Variants in RBPMS observed in about 807,000 individuals in gnomAD.
RBPMS encodes RNA binding protein, mRNA processing factor, also known as RNA-binding protein with multiple splicing.
A neutral mutation model predicts 26.8 loss-of-function variants in RBPMS; 7 were observed. The ratio of observed to expected loss-of-function variants is 0.26; its 90% confidence interval spans 0.15 to 0.49. The LOEUF (loss-of-function observed/expected upper bound fraction) is 0.49. Ranked by LOEUF, RBPMS falls within the 20% of genes least tolerant of loss-of-function variation. The pLI is 0.98. For missense variants in RBPMS, 186 were observed against 250.0 expected (o/e 0.74, Z 1.73); for synonymous variants, 96 against 93.3 (o/e 1.03, Z -0.17).
intron 4 of RBPMS, among the ~76,000 whole-genome samples, chr8:30,485,781 A>T (rs949150021): frequency 1.1e-4 from 17 of 152,322 alleles, no homozygotes; most frequent in Non-Finnish European, 2.1e-4. Flanking sequence ...GAAAGAAAGC[A>T]CTAGTTAACA....
Position 30,566,367 on chromosome 8 carries a change from A to T in RBPMS, c.*111+7A>T. The T allele has an allele frequency of 1.4e-6, 1 of 723,806 alleles. No individual in the cohort carries two copies. The highest frequency in any genetic ancestry group is 1.6e-6 in the Non-Finnish European group (1 of 639,588). The allele number at this position is 723,806 out of a possible 1,614,324, so 44.8% of individuals were successfully genotyped here. ...ACAAAACTGGAGCATGCTGGTGAGT[A>T]ACAGTCAGGGCTGAACAAGCCCTCA... On this transcript the variant is annotated splice_region_variant and intron_variant, in intron 8 of 8. Transcript: ENST00000397323.
At chr8:30,524,650 TAGG>T (rs1407731293) in intron 5 of RBPMS, among the ~76,000 whole-genome samples, 5 of 152,164 alleles carry the variant, frequency 3.3e-5, no homozygotes, top group Admixed American at 6.5e-5. Flanking sequence ...GCAGTTAACA[TAGG>T]AGGGTTAAAG....
At chr8:30,536,684 T>C (rs1164261735) in intron 5 of RBPMS, among the ~76,000 whole-genome samples, 1 of 152,226 alleles carries the variant, frequency 6.6e-6, no homozygotes, top group African/African-American at 2.4e-5. Flanking sequence ...TAGATTCAAG[T>C]TGCCCTGAAG....
chr8:30,558,503 C>G, intron 6 of RBPMS: 1 of 334,934 alleles, frequency 3.0e-6, no homozygotes, highest in Non-Finnish European at 5.8e-6. Context: ...AGCTATGTTT[C>G]CACACTCTGC....
chr8:30,415,282 G>C (rs189081318), intron 1 of RBPMS, among the ~76,000 whole-genome samples: 6 of 152,134 alleles, frequency 3.9e-5, no homozygotes, highest in Non-Finnish European at 5.9e-5. Flanking sequence ...CCCTGCTGCT[G>C]TCCTATTTCA....
chr8:30,463,660 ACTT>A, intron 1 of RBPMS, among the ~76,000 whole-genome samples: 1 of 152,248 alleles, frequency 6.6e-6, no homozygotes, highest in Non-Finnish European at 1.5e-5. Flanking sequence ...ATTAAGCTCC[ACTT>A]CTTTAAGGGA....
At chr8:30,554,978 G>A (rs1322993011) in intron 6 of RBPMS, among the ~76,000 whole-genome samples, 1 of 152,138 alleles carries the variant, frequency 6.6e-6, no homozygotes, top group Non-Finnish European at 1.5e-5. Context: ...TTCAGGCAGG[G>A]CGTCCTCCCG....
chr8:30,506,085 GT>G (rs1281502581), intron 5 of RBPMS, among the ~76,000 whole-genome samples: 1 of 152,096 alleles, frequency 6.6e-6, no homozygotes, highest in East Asian at 1.9e-4. Context: ...CAACAGCCCT[GT>G]GAAATAGGTA....
Position 30,502,138 on chromosome 8 carries a change from GCT to G in RBPMS, c.247-2147_247-2146del, listed in dbSNP as rs1491215362. ...CAAATTAGGTCATTTTAACTTCTGAGCTTTTTTTTTTTTTTTTTAAATAAGGA... is the reference window on the plus strand; with the variant it reads ...CAAATTAGGTCATTTTAACTTCTGAGTTTTTTTTTTTTTTTTAAATAAGGA... On this transcript the variant is annotated intron_variant, in intron 4 of 8. Coordinates refer to ENST00000397323, the MANE Select transcript of RBPMS (RefSeq NM_001008710.3). Among the ~76,000 whole-genome samples, 342 of 61,026 alleles carry G rather than the reference GCT, an allele frequency of 5.6e-3. 3 individuals carry two copies. Among genetic ancestry groups the G allele is most frequent in the African/African-American group, 0.026 (331 of 12,526 alleles). The allele number at this position is 61,026 out of a possible 152,430, so 40.0% of individuals were successfully genotyped here. A position where few individuals can be genotyped will look rare whatever the true frequency, so the allele number is the denominator to read the frequency against.
intron 6 of RBPMS, chr8:30,556,869 C>G (rs771672713): frequency 1.5e-6 from 1 of 647,106 alleles, no homozygotes; most frequent in Non-Finnish European, 1.9e-6. Flanking sequence ...CCCTTCCCTG[C>G]CCGCCCCTAC....
chr8:30,445,730 C>T (rs565901960), intron 1 of RBPMS, among the ~76,000 whole-genome samples: 1 of 149,210 alleles, frequency 6.7e-6, no homozygotes, highest in South Asian at 2.1e-4. Context: ...TGCAGTGGTG[C>T]AGTCACAGCT....
chr8:30,422,263 C>T (rs1323463843), intron 1 of RBPMS, among the ~76,000 whole-genome samples: 1 of 151,490 alleles, frequency 6.6e-6, no homozygotes, highest in African/African-American at 2.4e-5. Context: ...TTACAGGCAC[C>T]CTCCATCATG....
intron 4 of RBPMS, among the ~76,000 whole-genome samples, chr8:30,492,072 A>G (rs764433683): frequency 8.5e-5 from 13 of 152,054 alleles, no homozygotes; most frequent in Non-Finnish European, 1.6e-4. Context: ...TTGTATTTTT[A>G]TTAGAGATAG....
In RBPMS at chr8:30,544,897, G is replaced by A. The variant is rs551577351; in HGVS notation, c.528+273G>A. ...CTCATATCGCACATGAGAGACCGGG[G>A]CAGGTTTATCCACCTGGCTCCCAGC... On this transcript the variant is annotated intron_variant, in intron 6 of 8. Transcript: ENST00000397323. 6.1e-6 allele frequency: 9 copies of A among 1,486,620 alleles called. No homozygotes were observed. The South Asian group carries it at 1.1e-4, about 18-fold the overall frequency. The allele number at this position is 1,486,620 out of a possible 1,614,324, so 92.1% of individuals were successfully genotyped here.
At chr8:30,558,292 G>A (rs1216452563) in intron 6 of RBPMS, 1 of 153,808 alleles carries the variant, frequency 6.5e-6, no homozygotes, top group Non-Finnish European at 1.4e-5. Context: ...CAGGGCTGCT[G>A]GTCCCAGCTG....
At chr8:30,425,521 C>T (rs1811252800) in intron 1 of RBPMS, among the ~76,000 whole-genome samples, 1 of 152,110 alleles carries the variant, frequency 6.6e-6, no homozygotes, top group Admixed American at 6.5e-5. Flanking sequence ...CTGCCTCAGC[C>T]TCCTGAGTAG....
At chr8:30,448,106 T>A (rs1269124737) in intron 1 of RBPMS, among the ~76,000 whole-genome samples, 1 of 152,248 alleles carries the variant, frequency 6.6e-6, no homozygotes, top group African/African-American at 2.4e-5. Context: ...TTAGATGGTT[T>A]ACAATTGTAG....
At chr8:30,568,409 G>C (rs1828045775) in intron 8 of RBPMS, among the ~76,000 whole-genome samples, 2 of 152,126 alleles carry the variant, frequency 1.3e-5, no homozygotes, top group South Asian at 2.1e-4. Context: ...GCAGAGTGAG[G>C]GGCAGGCAGC....
chr8:30,499,264 C>T (rs536835782), intron 4 of RBPMS, among the ~76,000 whole-genome samples: 51 of 152,254 alleles, frequency 3.3e-4, no homozygotes, highest in African/African-American at 1.1e-3. Context: ...AGCAAGACTC[C>T]GTCTGGTGGC....
Sources: gnomAD v4.1 joint callset for allele counts (sites outside exome capture counted in the v4.1 genomes callset) on GRCh38, gnomAD v4.1.1 for gene constraint, MANE v1.5 for transcripts, NCBI Gene and HGNC (gene_info 2026-07-23, HGNC 2026-07-21) for gene names.